Variants in JAKMIP1 observed in about 807,000 individuals in gnomAD.
The protein encoded by JAKMIP1 is janus kinase and microtubule interacting protein 1, also known as janus kinase and microtubule-interacting protein 1.
Under a neutral mutation model 113.0 loss-of-function variants are expected in JAKMIP1, and 33 were observed. That is an observed-to-expected ratio of 0.29 (90% CI 0.22 to 0.39). The LOEUF (loss-of-function observed/expected upper bound fraction) is 0.39. JAKMIP1 is among the 10% of genes least tolerant of loss of function. The pLI, the probability that JAKMIP1 is intolerant of heterozygous loss-of-function variation, is 1.00. For synonymous variants in JAKMIP1, 480 were observed against 459.9 expected (o/e 1.04, Z -0.56); for missense variants, 813 against 1,080.5 (o/e 0.75, Z 3.47).
chr4:6,112,440 T>G (rs1221263168), intron 2 of JAKMIP1, among the ~76,000 whole-genome samples: 1 of 152,238 alleles, frequency 6.6e-6, no homozygotes, highest in Non-Finnish European at 1.5e-5. Context: ...AAACTGAATT[T>G]GTCAAACATT....
At chr4:6,173,590 A>C (rs1724995979) in intron 1 of JAKMIP1, among the ~76,000 whole-genome samples, 1 of 152,244 alleles carries the variant, frequency 6.6e-6, no homozygotes, top group African/African-American at 2.4e-5. Flanking sequence ...CAAAGACATC[A>C]AACAATGAAT....
intron 9 of JAKMIP1, 79 bp from the exon 10 acceptor site, chr4:6,062,519 A>T (rs1006682651): frequency 4.9e-6 from 7 of 1,419,476 alleles, no homozygotes; most frequent in Non-Finnish European, 6.8e-6. Flanking sequence ...TTTTAATAAT[A>T]AACATAAATA....
At chr4:6,114,751 T>C (rs569955665) in intron 1 of JAKMIP1, among the ~76,000 whole-genome samples, 1 of 152,368 alleles carries the variant, frequency 6.6e-6, no homozygotes, top group East Asian at 1.9e-4. Context: ...TTGATCTGAC[T>C]TAGAGCTTGA....
chr4:6,082,513 T>C (rs1720729425), intron 5 of JAKMIP1, among the ~76,000 whole-genome samples: 1 of 151,760 alleles, frequency 6.6e-6, no homozygotes, highest in African/African-American at 2.4e-5. Flanking sequence ...AAATGACATG[T>C]GTCACTTTGA....
At position 6,140,046 on chromosome 4, in the gene JAKMIP1, T is replaced by C. The variant is rs561829675; in HGVS notation, c.-147-27049A>G. Among the ~76,000 whole-genome samples the C allele has an allele frequency of 9.9e-5, 15 of 152,188 alleles. No homozygotes were observed. The highest frequency in any genetic ancestry group is 9.8e-4 in the Admixed American group (15 of 15,284). Reference sequence around the variant, plus strand: ...GAGACCATCCGTTTGTCTTGTGTATTCCATGGTACAGCGGCCCTAGGAAAC... The same window carrying C: ...GAGACCATCCGTTTGTCTTGTGTATCCCATGGTACAGCGGCCCTAGGAAAC... On this transcript the variant is annotated intron_variant, in intron 1 of 20. Coordinates refer to ENST00000409021, the MANE Select transcript of JAKMIP1 (RefSeq NM_001099433.2). This position sits in a 1 kb window ranked among gnomAD's most constrained non-coding sequence, Gnocchi z 9.4.
chr4:6,083,986 A>C (rs1720937597), intron 5 of JAKMIP1, among the ~76,000 whole-genome samples: 1 of 152,150 alleles, frequency 6.6e-6, no homozygotes. Flanking sequence ...TAAATACATA[A>C]GCACAAATTA....
Position 6,150,090 on chromosome 4 carries a change from C to T in JAKMIP1, c.-147-37093G>A, listed in dbSNP as rs1023391462. 1.3e-5 allele frequency among the ~76,000 whole-genome samples: 2 copies of T among 152,180 alleles called. No homozygotes were observed. The highest frequency in any genetic ancestry group is 4.8e-5 in the African/African-American group (2 of 41,438). ...CGCCTACAAGTTTGTGGAGCGCCTG[C>T]CATATGCCAAGCTCTGGGGAAGAAA... On this transcript the variant is annotated intron_variant, in intron 1 of 20. Transcript: ENST00000409021. The surrounding 1 kb of genome is among the most constrained non-coding windows in gnomAD (Gnocchi z 4.8).
Position 6,040,307 on chromosome 4 carries a change from A to G in JAKMIP1, c.2175+332T>C, listed in dbSNP as rs2108754999. 6.6e-6 allele frequency among the ~76,000 whole-genome samples: 1 copy of G among 152,266 alleles called. No individual in the cohort carries two copies. The highest frequency in any genetic ancestry group is 1.9e-4 in the East Asian group (1 of 5,182). ...ATCTCTTTTTCCTATTTATAGGAAAACTTGCTTTGGGACTTTAAGTCTAAA... is the reference window on the plus strand; with the variant it reads ...ATCTCTTTTTCCTATTTATAGGAAAGCTTGCTTTGGGACTTTAAGTCTAAA... On this transcript the variant is annotated intron_variant, in intron 18 of 20. Transcript: ENST00000409021. The surrounding 1 kb of genome is among the most constrained non-coding windows in gnomAD (Gnocchi z 5.8).
chr4:6,080,120 C>A lies in JAKMIP1; in HGVS notation c.1242+52G>T. The A allele has an allele frequency of 6.5e-7, 1 of 1,527,726 alleles. No individual in the cohort carries two copies. The highest frequency in any genetic ancestry group is 1.3e-5 in the South Asian group (1 of 78,524). 94.6% of individuals were successfully genotyped at this position (1,527,726 alleles called of 1,614,324 possible). On this transcript the variant is annotated intron_variant, in intron 7 of 20. Transcript: ENST00000409021. The surrounding 1 kb of genome is among the most constrained non-coding windows in gnomAD (Gnocchi z 6.0). ...CAACACCCGTTCCTGACACCCATGTCAGCTGGTGCCACCCCTGCCAGGGGC... is the reference window on the plus strand; with the variant it reads ...CAACACCCGTTCCTGACACCCATGTAAGCTGGTGCCACCCCTGCCAGGGGC...
chr4:6,173,161 A>G (rs1724945916), intron 1 of JAKMIP1, among the ~76,000 whole-genome samples: 1 of 152,234 alleles, frequency 6.6e-6, no homozygotes, highest in Non-Finnish European at 1.5e-5. Flanking sequence ...GTTACCATAC[A>G]GGGGGTAGAA....
In JAKMIP1 at chr4:6,192,802, A is replaced by C. The variant is rs1472596177; in HGVS notation, c.-148+7451T>G. ...TCAGATCATGATGATTCTCAAAAGC[A>C]AACAGGGTACTGATGGGAACCAGGG... On this transcript the variant is annotated intron_variant, in intron 1 of 20. Coordinates refer to ENST00000409021, the MANE Select transcript of JAKMIP1 (RefSeq NM_001099433.2). The surrounding 1 kb of genome is among the most constrained non-coding windows in gnomAD (Gnocchi z 5.0). 6.6e-6 allele frequency among the ~76,000 whole-genome samples: 1 copy of C among 152,150 alleles called. No individual in the cohort carries two copies. The highest frequency in any genetic ancestry group is 1.5e-5 in the Non-Finnish European group (1 of 68,036).
intron 1 of JAKMIP1, among the ~76,000 whole-genome samples, chr4:6,126,628 A>T (rs1189949309): frequency 6.6e-6 from 1 of 150,948 alleles, no homozygotes; most frequent in East Asian, 1.9e-4. Context: ...ACACACACAC[A>T]CAAACACACA....
Position 6,052,226 on chromosome 4 carries a change from A to T in JAKMIP1, c.1807-1547T>A, listed in dbSNP as rs911160386. 1.8e-3 allele frequency among the ~76,000 whole-genome samples: 277 copies of T among 152,178 alleles called. 1 individual carries two copies. The highest frequency in any genetic ancestry group is 6.3e-3 in the African/African-American group (261 of 41,454). ...AAAATTTAAAAAAATAAAATAAAAAAAAAACAAGCAAAAAAACAAATTTCA... is the reference window on the plus strand; with the variant it reads ...AAAATTTAAAAAAATAAAATAAAAATAAAACAAGCAAAAAAACAAATTTCA... On this transcript the variant is annotated intron_variant, in intron 13 of 20. Transcript: ENST00000409021.
intron 2 of JAKMIP1, among the ~76,000 whole-genome samples, chr4:6,107,762 T>G (rs993725079): frequency 6.6e-6 from 1 of 152,064 alleles, no homozygotes; most frequent in Non-Finnish European, 1.5e-5. Context: ...GGGGGGTGTG[T>G]GTGTGTGTGT....
At chr4:6,055,882 A>C (rs138782178) in intron 12 of JAKMIP1, among the ~76,000 whole-genome samples, 1,100 of 92,460 alleles carry the variant, frequency 0.012, 7 homozygotes, top group Non-Finnish European at 0.014. Flanking sequence ...ATTTCTGCAG[A>C]GTGTCCCCAG....
In JAKMIP1 at chr4:6,088,185, T is replaced by A. The variant is rs1314627549; in HGVS notation, c.625-2556A>T. 6.6e-6 allele frequency among the ~76,000 whole-genome samples: 1 copy of A among 152,228 alleles called. No individual in the cohort carries two copies. Among genetic ancestry groups the A allele is most frequent in the Admixed American group, 6.5e-5 (1 of 15,292 alleles). The stretch of plus-strand genomic sequence containing the variant: ...AGACCAGCCGCCCTGCCCTAGGGGC[T>A]TCTATTCTGCTAGTGGGCGGAGCAG... On this transcript the variant is annotated intron_variant, in intron 3 of 20. Coordinates refer to ENST00000409021, the MANE Select transcript of JAKMIP1 (RefSeq NM_001099433.2). This position sits in a 1 kb window ranked among gnomAD's most constrained non-coding sequence, Gnocchi z 5.5.
chr4:6,047,413 G>T (rs1400517869), intron 16 of JAKMIP1, among the ~76,000 whole-genome samples: 2 of 152,244 alleles, frequency 1.3e-5, no homozygotes, highest in African/African-American at 4.8e-5. Flanking sequence ...TTTTGCTGCT[G>T]GAAAGGAAGG....
At chr4:6,036,250 C>G in intron 18 of JAKMIP1, 143 bp from the exon 19 acceptor site, 1 of 645,064 alleles carries the variant, frequency 1.6e-6, no homozygotes. Context: ...AGCACAGGGC[C>G]AGCAGTGCCC....
Position 6,178,646 on chromosome 4 carries a change from T to A in JAKMIP1, c.-148+21607A>T, listed in dbSNP as rs1725675991. On this transcript the variant is annotated intron_variant, in intron 1 of 20. Coordinates refer to ENST00000409021, the MANE Select transcript of JAKMIP1 (RefSeq NM_001099433.2). This position sits in a 1 kb window ranked among gnomAD's most constrained non-coding sequence, Gnocchi z 5.5. ...CTTCCCCTAATGCCATGATTGTAAG[T>A]TTTTTAAGGCTTCCCCAGCCATGCA... Among the ~76,000 whole-genome samples, 1 of 152,160 alleles carries A rather than the reference T, an allele frequency of 6.6e-6. No homozygotes were observed. Among genetic ancestry groups the A allele is most frequent in the Admixed American group, 6.5e-5 (1 of 15,272 alleles).
Sources: gnomAD v4.1 joint callset for allele counts (sites outside exome capture counted in the v4.1 genomes callset) on GRCh38, gnomAD v4.1.1 for gene constraint, Gnocchi (gnomAD v3.1) non-coding constraint, MANE v1.5 for transcripts, NCBI Gene and HGNC (gene_info 2026-07-23, HGNC 2026-07-21) for gene names.